DLG2: variants seen among roughly 807,000 people sequenced by gnomAD.
DLG2 encodes disks large homolog 2.
A neutral mutation model predicts 132.5 loss-of-function variants in DLG2; 45 were observed. That is an observed-to-expected ratio of 0.34 (90% CI 0.27 to 0.44). DLG2 has a LOEUF of 0.44. Ranked by LOEUF, DLG2 falls within the 20% of genes least tolerant of loss-of-function variation. DLG2 has a pLI of 1.00. For missense variants in DLG2, 1,045 were observed against 1,196.9 expected (o/e 0.87, Z 1.87); for synonymous variants, 424 against 419.6 (o/e 1.01, Z -0.13).
intron 19 of DLG2, among the ~76,000 whole-genome samples, chr11:83,544,097 A>G (rs1385260183): frequency 6.6e-6 from 1 of 152,150 alleles, no homozygotes. Flanking sequence ...AACATTTCGC[A>G]CCTGTTGTCG....
intron 7 of DLG2, chr11:84,317,069 G>A (rs755714547): frequency 6.2e-7 from 1 of 1,612,848 alleles, no homozygotes; most frequent in Non-Finnish European, 8.5e-7. Context: ...CCTGATCAGG[G>A]TGGGCGCACT....
At chr11:84,834,099 A>C (rs1186508857) in intron 6 of DLG2, among the ~76,000 whole-genome samples, 1 of 151,710 alleles carries the variant, frequency 6.6e-6, no homozygotes, top group Admixed American at 6.6e-5. Flanking sequence ...TAATTTTAGG[A>C]AAACCCTTTA....
intron 17 of DLG2, among the ~76,000 whole-genome samples, chr11:83,810,224 A>C (rs1196135503): frequency 6.6e-6 from 1 of 152,060 alleles, no homozygotes; most frequent in East Asian, 1.9e-4. Context: ...AACCAAAAAA[A>C]CTTGTATTTA....
At chr11:84,069,901 TAGCCCGCTC>T (rs2096731374) in intron 10 of DLG2, among the ~76,000 whole-genome samples, 1 of 152,220 alleles carries the variant, frequency 6.6e-6, no homozygotes, top group African/African-American at 2.4e-5. Context: ...GGAGATTACT[TAGCCCGCTC>T]AGTTCAATAC....
intron 15 of DLG2, among the ~76,000 whole-genome samples, chr11:83,882,403 A>G (rs578259391): frequency 6.6e-6 from 1 of 152,266 alleles, no homozygotes; most frequent in African/African-American, 2.4e-5. Flanking sequence ...TAAGAAATCA[A>G]GCATGTTGGG....
intron 18 of DLG2, among the ~76,000 whole-genome samples, chr11:83,637,541 T>C (rs1290732396): frequency 6.6e-6 from 1 of 152,078 alleles, no homozygotes; most frequent in African/African-American, 2.4e-5. Context: ...ATAGAGCTAC[T>C]AGGTAACAGA....
intron 7 of DLG2, among the ~76,000 whole-genome samples, chr11:84,426,531 T>C (rs1039050969): frequency 3.9e-5 from 6 of 152,140 alleles, no homozygotes; most frequent in African/African-American, 9.7e-5. Flanking sequence ...TATAGGGCCA[T>C]TGTGAATATT....
chr11:85,529,237 C>T (rs1372344791), intron 3 of DLG2, among the ~76,000 whole-genome samples: 1 of 152,082 alleles, frequency 6.6e-6, no homozygotes, highest in Non-Finnish European at 1.5e-5. Context: ...GTGAGGTCCA[C>T]GTAAAGAGCC....
At chr11:84,663,188 T>C (rs1417610226) in intron 6 of DLG2, among the ~76,000 whole-genome samples, 1 of 152,068 alleles carries the variant, frequency 6.6e-6, no homozygotes, top group East Asian at 1.9e-4. Context: ...CAGAAAAACA[T>C]ACCAAGATAT....
intron 6 of DLG2, among the ~76,000 whole-genome samples, chr11:84,565,490 A>G (rs1049136380): frequency 1.3e-5 from 2 of 152,220 alleles, no homozygotes; most frequent in African/African-American, 2.4e-5. Flanking sequence ...AAACTCTGTG[A>G]GTCATACAGA....
intron 6 of DLG2, among the ~76,000 whole-genome samples, chr11:84,599,426 C>T (rs2099570720): frequency 6.6e-6 from 1 of 152,152 alleles, no homozygotes; most frequent in African/African-American, 2.4e-5. Context: ...CATGTTGGGT[C>T]ATTCTCTTCT....
intron 3 of DLG2, among the ~76,000 whole-genome samples, chr11:85,538,130 A>T (rs1467751412): frequency 6.6e-6 from 1 of 151,702 alleles, no homozygotes; most frequent in Non-Finnish European, 1.5e-5. Context: ...AATAATAAAA[A>T]ATTAAAAAAT....
intron 6 of DLG2, among the ~76,000 whole-genome samples, chr11:84,774,005 G>A (rs887340448): frequency 7.2e-5 from 11 of 151,974 alleles, no homozygotes; most frequent in Admixed American, 1.3e-4. Flanking sequence ...CTCTCTCTTC[G>A]CTGATGATAT....
chr11:84,206,764 G>C (rs1324312162), intron 8 of DLG2, among the ~76,000 whole-genome samples: 1 of 151,808 alleles, frequency 6.6e-6, no homozygotes, highest in Non-Finnish European at 1.5e-5. Flanking sequence ...CATTATAATG[G>C]ACAAAGAAAA....
intron 18 of DLG2, among the ~76,000 whole-genome samples, chr11:83,765,120 T>C (rs913605512): frequency 2.0e-5 from 3 of 152,242 alleles, no homozygotes; most frequent in African/African-American, 7.2e-5. Flanking sequence ...CTTTCTTTGT[T>C]CTTTTTTGTC....
intron 6 of DLG2, among the ~76,000 whole-genome samples, chr11:84,556,891 T>C (rs1208297679): frequency 6.6e-6 from 1 of 152,198 alleles, no homozygotes; most frequent in African/African-American, 2.4e-5. Context: ...ACATCAGCTA[T>C]ACAATCTATA....
rs2054135903 is a variant in DLG2 at position 84,971,798 on chromosome 11, TG to T, written c.357+139862del. Reference sequence around the variant, plus strand: ...TAATTTCCACTGTTAAATTTTTTTCTGTTGTACTGAATAAATTAAGGAAGTC... The same window carrying T: ...TAATTTCCACTGTTAAATTTTTTTCTTTGTACTGAATAAATTAAGGAAGTC... On this transcript the variant is annotated intron_variant, in intron 6 of 27. Coordinates refer to ENST00000376104, the MANE Select transcript of DLG2 (RefSeq NM_001142699.3). 4.6e-5 allele frequency among the ~76,000 whole-genome samples: 7 copies of T among 152,270 alleles called. No homozygotes were observed. The South Asian group carries it at 1.4e-3, about 32-fold the overall frequency.
chr11:83,600,322 T>C (rs2058340362), intron 19 of DLG2, among the ~76,000 whole-genome samples: 1 of 152,050 alleles, frequency 6.6e-6, no homozygotes, highest in Non-Finnish European at 1.5e-5. Context: ...CATTTTACTC[T>C]TTCCTGTTCC....
intron 7 of DLG2, among the ~76,000 whole-genome samples, chr11:84,533,803 A>G (rs1014323893): frequency 6.7e-5 from 10 of 149,872 alleles, no homozygotes; most frequent in African/African-American, 2.5e-4. Context: ...TTCCATTTCA[A>G]TTCTGTTATT....
Sources: gnomAD v4.1 joint callset for allele counts (sites outside exome capture counted in the v4.1 genomes callset) on GRCh38, gnomAD v4.1.1 for gene constraint, MANE v1.5 for transcripts, NCBI Gene and HGNC (gene_info 2026-07-23, HGNC 2026-07-21) for gene names.